The following ADAMTSL1 variants were observed in gnomAD, a reference collection of about 807,000 sequenced individuals.
ADAMTSL1 encodes the protein ADAMTS-like protein 1.
Under a neutral mutation model 201.8 loss-of-function variants are expected in ADAMTSL1, and 126 were observed. The observed-to-expected ratio is 0.62, with a 90% CI of 0.54 to 0.72. The LOEUF (loss-of-function observed/expected upper bound fraction) is 0.72, where lower values mean the gene tolerates loss of function less well. Ranked by LOEUF, ADAMTSL1 falls within the 30% of genes least tolerant of loss-of-function variation. ADAMTSL1 has a pLI of 0.00. For synonymous variants in ADAMTSL1, 1,121 were observed against 903.4 expected (o/e 1.24, Z -4.32); for missense variants, 2,679 against 2,277.8 (o/e 1.18, Z -3.59).
intron 26 of ADAMTSL1, among the ~76,000 whole-genome samples, chr9:18,895,982 G>C (rs1479014410): frequency 2.6e-5 from 4 of 152,078 alleles, no homozygotes; most frequent in Admixed American, 6.6e-5. Flanking sequence ...TTTACTGGCG[G>C]GATTCAACAG....
chr9:18,053,634 A>G (rs529659144), intron 1 of ADAMTSL1, among the ~76,000 whole-genome samples: 1 of 152,328 alleles, frequency 6.6e-6, no homozygotes, highest in South Asian at 2.1e-4. Flanking sequence ...TTAATAAACA[A>G]AACAAAGCAG....
rs1587678117 is a variant in ADAMTSL1 at position 18,599,715 on chromosome 9, T to C, written c.475-22528T>C. 2.0e-5 allele frequency among the ~76,000 whole-genome samples: 3 copies of C among 152,024 alleles called. No homozygotes were observed. The South Asian group carries it at 6.2e-4, about 32-fold the overall frequency. On this transcript the variant is annotated intron_variant, in intron 4 of 28. Coordinates refer to ENST00000380548, the MANE Select transcript of ADAMTSL1 (RefSeq NM_001040272.6). Reference sequence around the variant, plus strand: ...CCAGATGCAGCCTATGGATAACTTCTGTTCTGCACCCATCATGGGCTTCTG... The same window carrying C: ...CCAGATGCAGCCTATGGATAACTTCCGTTCTGCACCCATCATGGGCTTCTG...
chr9:18,859,963 A>T (rs10811050), intron 23 of ADAMTSL1, among the ~76,000 whole-genome samples: 27,086 of 152,138 alleles, frequency 0.18, 5,402 homozygotes, highest in African/African-American at 0.49. Context: ...AGGTAGACTT[A>T]CATTCATTGA....
intron 1 of ADAMTSL1, among the ~76,000 whole-genome samples, chr9:18,050,773 G>T (rs1821896373): frequency 6.6e-6 from 1 of 152,098 alleles, no homozygotes; most frequent in Non-Finnish European, 1.5e-5. Flanking sequence ...TATTTAGGGG[G>T]AAACATAAGA....
chr9:18,592,010 T>C (rs1823946118), intron 4 of ADAMTSL1, among the ~76,000 whole-genome samples: 1 of 152,200 alleles, frequency 6.6e-6, no homozygotes, highest in Non-Finnish European at 1.5e-5. Context: ...GGCATTGTCA[T>C]GAAGAAAAAT....
chr9:18,105,651 C>T (rs1018168629), intron 1 of ADAMTSL1, among the ~76,000 whole-genome samples: 1 of 152,102 alleles, frequency 6.6e-6, no homozygotes, highest in African/African-American at 2.4e-5. Context: ...GCTTTGCAGA[C>T]CTTACCCGTA....
chr9:18,114,071 AT>A (rs1165565679), intron 1 of ADAMTSL1, among the ~76,000 whole-genome samples: 2 of 152,178 alleles, frequency 1.3e-5, no homozygotes, highest in Non-Finnish European at 2.9e-5. Context: ...TAAGAAAAAT[AT>A]GAGGAAAAGG....
intron 2 of ADAMTSL1, among the ~76,000 whole-genome samples, chr9:18,233,648 A>G (rs1296726508): frequency 6.6e-6 from 1 of 152,212 alleles, no homozygotes; most frequent in Non-Finnish European, 1.5e-5. Context: ...GTGAAATAAG[A>G]GAGAAAAATA....
At chr9:18,465,339 C>T (rs1250229833) in intron 2 of ADAMTSL1, among the ~76,000 whole-genome samples, 1 of 152,168 alleles carries the variant, frequency 6.6e-6, no homozygotes, top group Non-Finnish European at 1.5e-5. Flanking sequence ...GTGATAAACA[C>T]ACTTCTGTTT....
chr9:18,791,127 A>C (rs1822009708), intron 19 of ADAMTSL1, among the ~76,000 whole-genome samples: 1 of 152,262 alleles, frequency 6.6e-6, no homozygotes, highest in Non-Finnish European at 1.5e-5. Flanking sequence ...TGAAATACAA[A>C]GAAAATGTTT....
intron 15 of ADAMTSL1, among the ~76,000 whole-genome samples, chr9:18,745,845 A>G (rs1399027116): frequency 6.6e-6 from 1 of 151,980 alleles, no homozygotes; most frequent in Non-Finnish European, 1.5e-5. Context: ...ATTATTTTTT[A>G]TGTATTTATG....
chr9:18,845,826 C>G (rs929229734), intron 23 of ADAMTSL1, among the ~76,000 whole-genome samples: 1 of 152,184 alleles, frequency 6.6e-6, no homozygotes, highest in Non-Finnish European at 1.5e-5. Flanking sequence ...GGTATGAAAA[C>G]TGTGTTTGGA....
chr9:18,003,488 T>C (rs1459888455), intron 1 of ADAMTSL1, among the ~76,000 whole-genome samples: 7 of 152,100 alleles, frequency 4.6e-5, no homozygotes, highest in Admixed American at 4.6e-4. Context: ...TACATGCCTG[T>C]CTGCATTTCT....
At chr9:18,574,455 A>C in intron 4 of ADAMTSL1, 189 bp downstream of exon 4, 1 of 638,258 alleles carries the variant, frequency 1.6e-6, no homozygotes, top group Non-Finnish European at 2.8e-6. Flanking sequence ...GCGAAGGAAA[A>C]GTAGACTAGA....
intron 13 of ADAMTSL1, among the ~76,000 whole-genome samples, chr9:18,698,889 G>C (rs968497285): frequency 1.3e-5 from 2 of 152,154 alleles, no homozygotes; most frequent in Non-Finnish European, 2.9e-5. Flanking sequence ...GCAGCCTCCT[G>C]ATGGTCAGTG....
intron 2 of ADAMTSL1, among the ~76,000 whole-genome samples, chr9:18,440,746 T>G (rs1563962807): frequency 6.6e-6 from 1 of 152,060 alleles, no homozygotes; most frequent in African/African-American, 2.4e-5. Context: ...CTTTTTCCAG[T>G]AATTATTACT....
At chr9:18,124,418 G>A (rs1398826039) in intron 1 of ADAMTSL1, among the ~76,000 whole-genome samples, 2 of 151,976 alleles carry the variant, frequency 1.3e-5, no homozygotes, top group Non-Finnish European at 2.9e-5. Flanking sequence ...CTATTCAAAT[G>A]TTTTGCCAAA....
At chr9:18,817,427 C>G (rs1029563365) in intron 21 of ADAMTSL1, among the ~76,000 whole-genome samples, 190 bp downstream of exon 21, 1 of 152,230 alleles carries the variant, frequency 6.6e-6, no homozygotes, top group African/African-American at 2.4e-5. Context: ...TTAATTCTGA[C>G]TGGGACAGAT....
intron 13 of ADAMTSL1, among the ~76,000 whole-genome samples, chr9:18,692,403 T>C (rs141352298): frequency 1.7e-3 from 257 of 152,174 alleles, no homozygotes; most frequent in East Asian, 4.4e-3. Context: ...AGTTCTAAAT[T>C]TATCAGTCCC....
Sources: gnomAD v4.1 joint callset for allele counts (sites outside exome capture counted in the v4.1 genomes callset) on GRCh38, gnomAD v4.1.1 for gene constraint, MANE v1.5 for transcripts, NCBI Gene and HGNC (gene_info 2026-07-23, HGNC 2026-07-21) for gene names.